The following SCN10A variants were observed in gnomAD, a reference collection of about 807,000 sequenced individuals.
SCN10A encodes sodium channel protein type 10 subunit alpha.
A neutral mutation model predicts 170.7 loss-of-function variants in SCN10A; 162 were observed. That is an observed-to-expected ratio of 0.95 (90% confidence interval 0.84 to 1.08). The LOEUF is 1.08. SCN10A is among the 50% of genes least tolerant of loss of function. The pLI, the probability that SCN10A is intolerant of heterozygous loss-of-function variation, is 0.00. For missense variants in SCN10A, 2,527 were observed against 2,436.9 expected, an observed-to-expected ratio of 1.04 and a Z score of -0.78; for synonymous variants, 985 against 904.6, an observed-to-expected ratio of 1.09 and a Z score of -1.59.
intron 12 of SCN10A, 141 bp from the exon 13 acceptor site, chr3:38,750,325 T>A: frequency 1.7e-6 from 1 of 582,696 alleles, no homozygotes. Flanking sequence ...GACAAATACA[T>A]CATTAGGTGA....
chr3:38,792,518 A>T (rs1333473713), intron 2 of SCN10A, among the ~76,000 whole-genome samples: 1 of 152,120 alleles, frequency 6.6e-6, no homozygotes, highest in Non-Finnish European at 1.5e-5. Context: ...GTTGCATTTA[A>T]TTTCTCTTCT....
In SCN10A at chr3:38,756,691, G is replaced by C. The variant is rs1293454955; in HGVS notation, c.1273C>G (p.Leu425Val). The C allele has an allele frequency of 1.2e-6, 2 of 1,613,698 alleles. No individual in the cohort carries two copies. The highest frequency in any genetic ancestry group is 1.7e-6 in the Non-Finnish European group (2 of 1,179,914). The part of the protein sequence containing the change: ...EKKFQEALEM[L>V]RKEQEVLAAL... ...TCACAAACCTCCTGCTCCTTCCGGA[G>C]CATCTCGAGGGCCTCCTGGAACTTC... The change falls in exon 10 of 28, where the codon CTC becomes GTC. Residue 425 changes from leucine (L) to valine (V), a missense_variant. Coordinates refer to ENST00000449082, the MANE Select transcript of SCN10A (RefSeq NM_006514.4).
Position 38,760,722 on chromosome 3 carries a change from G to T in SCN10A, c.909C>A (p.Gly303=). Residue 303 remains glycine (G), a synonymous_variant, in exon 8 of 28, where the codon GGC becomes GGA. Transcript: ENST00000449082. ...RKPDIYINKR[G]TSDPLLCGNG... ...TGCCACACAGTAAGGGGTCAGAAGT[G>T]CCTCGCTTATTTATGTAGATATCTG... The T allele has an allele frequency of 1.2e-6, 2 of 1,613,972 alleles. No homozygotes were observed. Among genetic ancestry groups the T allele is most frequent in the Non-Finnish European group, 1.7e-6 (2 of 1,179,830 alleles).
chr3:38,712,469 T>A (rs1235412357), intron 22 of SCN10A, 24 bp from the exon 23 acceptor site: 1 of 1,608,942 alleles, frequency 6.2e-7, no homozygotes, highest in Admixed American at 1.7e-5. Flanking sequence ...GAGAAAGACC[T>A]GGAACCTCCC....
intron 1 of SCN10A, among the ~76,000 whole-genome samples, chr3:38,808,304 T>G (rs2064418418): frequency 1.3e-5 from 2 of 152,194 alleles, no homozygotes; most frequent in Non-Finnish European, 2.9e-5. Flanking sequence ...ACTTCTTTCT[T>G]CTTTCAGTTT....
At chr3:38,734,997 C>T (rs758499272) in intron 15 of SCN10A, among the ~76,000 whole-genome samples, 1 of 151,682 alleles carries the variant, frequency 6.6e-6, no homozygotes, top group Non-Finnish European at 1.5e-5. Flanking sequence ...GGTGAAACCC[C>T]GTCTCTACTA....
intron 13 of SCN10A, among the ~76,000 whole-genome samples, chr3:38,744,065 G>A (rs1276134174): frequency 1.3e-5 from 2 of 152,158 alleles, no homozygotes; most frequent in African/African-American, 4.8e-5. Flanking sequence ...AATAATAATG[G>A]AAAACAACAA....
At chr3:38,763,937 C>T (rs1015959841) in intron 5 of SCN10A, among the ~76,000 whole-genome samples, 3 of 152,280 alleles carry the variant, frequency 2.0e-5, no homozygotes, top group Middle Eastern at 3.4e-3. Flanking sequence ...CTTTTCTGAT[C>T]CACTGTGACA....
intron 4 of SCN10A, among the ~76,000 whole-genome samples, chr3:38,779,857 A>C (rs1384511929): frequency 1.3e-5 from 2 of 151,856 alleles, no homozygotes; most frequent in Non-Finnish European, 2.9e-5. Flanking sequence ...ACTCTATTTC[A>C]TTATGATCAG....
At chr3:38,728,936 C>G (rs370084146) in intron 15 of SCN10A, 35 bp from the exon 16 acceptor site, 9 of 1,569,046 alleles carry the variant, frequency 5.7e-6, no homozygotes, top group Middle Eastern at 1.7e-4. Context: ...GTTTTGGTAG[C>G]TGTGCTCATT....
intron 5 of SCN10A, among the ~76,000 whole-genome samples, chr3:38,766,016 C>A (rs140129291): frequency 7.8e-4 from 115 of 148,386 alleles, no homozygotes; most frequent in Middle Eastern, 7.1e-3. Flanking sequence ...GGATTGAGTT[C>A]TTGATTTGTT....
chr3:38,782,739 T>C (rs1029982684), intron 4 of SCN10A, among the ~76,000 whole-genome samples: 11 of 152,160 alleles, frequency 7.2e-5, no homozygotes, highest in African/African-American at 2.7e-4. Context: ...TTCTGATTTA[T>C]ATTTTCAGTG....
chr3:38,720,194 C>T (rs764448482), intron 20 of SCN10A, among the ~76,000 whole-genome samples: 7 of 152,156 alleles, frequency 4.6e-5, no homozygotes, highest in Non-Finnish European at 1.0e-4. Flanking sequence ...TATCCAACGT[C>T]TCTAAGGGAG....
chr3:38,747,503 C>G (rs756744372), intron 13 of SCN10A, among the ~76,000 whole-genome samples: 2 of 152,312 alleles, frequency 1.3e-5, no homozygotes, highest in East Asian at 1.9e-4. Flanking sequence ...CCTCACAAAA[C>G]TCTACAAGAT....
At position 38,761,190 on chromosome 3, in the gene SCN10A, AC is replaced by A. The variant is rs1459269953; in HGVS notation, c.883+1del. On this transcript the variant is annotated splice_donor_variant, in intron 7 of 27. Coordinates refer to ENST00000449082, the MANE Select transcript of SCN10A (RefSeq NM_006514.4). LOFTEE classifies it high-confidence loss of function. ...GGTCCCTATGGAAGAGACTCCACTC[AC>A]GTTTTCTGTGAGATGAGTAGTTGGT... is the stretch of plus-strand genomic sequence containing the variant. 6.2e-7 allele frequency: 1 copy of A among 1,600,940 alleles called. No individual in the cohort carries two copies. Among genetic ancestry groups the A allele is most frequent in the South Asian group, 1.1e-5 (1 of 89,186 alleles).
chr3:38,814,127 G>A (rs2064457261), intron 1 of SCN10A, among the ~76,000 whole-genome samples: 1 of 152,208 alleles, frequency 6.6e-6, no homozygotes, highest in South Asian at 2.1e-4. Flanking sequence ...GGAAGAGAGG[G>A]AAGGCACTAT....
intron 20 of SCN10A, among the ~76,000 whole-genome samples, chr3:38,721,070 G>A (rs1010418912): frequency 5.9e-5 from 9 of 152,262 alleles, no homozygotes; most frequent in East Asian, 1.9e-4. Flanking sequence ...TTGGCTTTGC[G>A]TCATTGCCAC....
chr3:38,779,600 A>T (rs1048967041), intron 4 of SCN10A, among the ~76,000 whole-genome samples: 3 of 152,010 alleles, frequency 2.0e-5, no homozygotes, highest in Non-Finnish European at 4.4e-5. Flanking sequence ...GTCTTTAAAT[A>T]ATTTCTTTTC....
intron 13 of SCN10A, among the ~76,000 whole-genome samples, chr3:38,749,739 C>T (rs1369953567): frequency 6.6e-6 from 1 of 152,172 alleles, no homozygotes. Flanking sequence ...GGTTAAATTT[C>T]TTGTACACCG....
Sources: allele counts gnomAD v4.1 joint callset (sites outside exome capture counted in the v4.1 genomes callset), GRCh38; gene constraint gnomAD v4.1.1; transcripts MANE v1.5; gene names NCBI Gene and HGNC (gene_info 2026-07-23, HGNC 2026-07-21).